The following ZNF732 variants were observed in gnomAD, a reference collection of about 807,000 sequenced individuals.
The protein encoded by ZNF732 is zinc finger protein 732.
A neutral mutation model predicts 11.5 loss-of-function variants in ZNF732; 12 were observed. The observed-to-expected ratio is 1.05, with a 90% CI of 0.67 to 1.70. The LOEUF (loss-of-function observed/expected upper bound fraction) is 1.70, where lower values mean the gene tolerates loss of function less well. Among genes scored for constraint, ZNF732 ranks in the 40% most tolerant of loss-of-function variants. ZNF732 has a pLI of 0.00. For missense variants in ZNF732, 702 were observed against 676.9 expected (o/e 1.04, Z -0.41); for synonymous variants, 231 against 236.5 (o/e 0.98, Z 0.21).
chr4:296,976 AAAC>A (rs1488444524), intron 1 of ZNF732, among the ~76,000 whole-genome samples: 1 of 152,208 alleles, frequency 6.6e-6, no homozygotes. Context: ...TGCATTTGAA[AAAC>A]AACATGTGGT....
At chr4:297,402 TC>T (rs2108660150) in intron 1 of ZNF732, among the ~76,000 whole-genome samples, 1 of 152,260 alleles carries the variant, frequency 6.6e-6, no homozygotes, top group Non-Finnish European at 1.5e-5. Flanking sequence ...TCTTAGGACA[TC>T]CTGGGAGGTG....
At position 272,048 on chromosome 4, in the gene ZNF732, C is replaced by A. The variant is rs782545440; in HGVS notation, c.809G>T (p.Arg270Ile). 17 of 1,610,266 alleles carry A rather than the reference C, an allele frequency of 1.1e-5. No homozygotes were observed. In the Middle Eastern group the frequency reaches 1.2e-3, roughly 110 times the overall value. Reference protein sequence around the residue: ...NRSSTLTKHKRIHAEEKPFTC... With the variant: ...NRSSTLTKHKIIHAEEKPFTC... ...GAAGGGTTTCTCTTCAGCATGAATT[C>A]TCTTATGCTTAGTAAGGGTTGAGGA... The change falls in exon 4 of 4, where the codon AGA (arginine) becomes ATA (isoleucine). Residue 270 changes from arginine to isoleucine, a missense_variant. Around this residue, in one of 3 missense-constraint regions of ZNF732, gnomAD observed 596 missense variants for 557.9 expected, o/e 1.07. Coordinates refer to ENST00000419098, the MANE Select transcript of ZNF732 (RefSeq NM_001137608.3).
Position 271,102 on chromosome 4 carries a change from G to C in ZNF732, c.1755C>G (p.Leu585=), listed in dbSNP as rs573899259. 4 of 1,502,540 alleles carry C rather than the reference G, an allele frequency of 2.7e-6. No individual in the cohort carries two copies. Among genetic ancestry groups the C allele is most frequent in the South Asian group, 1.3e-5 (1 of 74,722 alleles). The allele number at this position is 1,502,540 out of a possible 1,614,324, so 93.1% of individuals were successfully genotyped here. Residue 585 remains leucine, a synonymous_variant, in exon 4 of 4, where the codon CTC becomes CTG. Coordinates refer to ENST00000419098, the MANE Select transcript of ZNF732 (RefSeq NM_001137608.3). ...QHNKIYTGEK[L] is the part of the protein sequence containing the mutation. ...CTTTGCCACATTCTTCATATTTCTAGAGTTTCTCTCCAGTATAAATTTTAT... is the reference window on the plus strand; with the variant it reads ...CTTTGCCACATTCTTCATATTTCTACAGTTTCTCTCCAGTATAAATTTTAT...
At position 271,817 on chromosome 4, in the gene ZNF732, G is replaced by A. The variant is rs1719377845; in HGVS notation, c.1040C>T (p.Ser347Leu). The A allele has an allele frequency of 6.2e-7, 1 of 1,613,232 alleles. No homozygotes were observed. Among genetic ancestry groups the A allele is most frequent in the African/African-American group, 1.3e-5 (1 of 74,886 alleles). ...AATTCTCTTATGTTCATTCAGAACT[G>A]AGGACCTACTAAAGGCTTTGCCACA... is the stretch of plus-strand genomic sequence containing the variant. The part of the protein sequence containing the change: ...EECGKAFSRS[S>L]VLNEHKRIHT... Residue 347 changes from serine (S) to leucine (L), a missense_variant, in exon 4 of 4, where the codon TCA becomes TTA. Ser to Leu is a moderately radical substitution (Grantham distance 145). Transcript: ENST00000419098.
chr4:305,164 G>C (rs923589019), intron 1 of ZNF732, 144 bp downstream of exon 1: 3 of 1,137,078 alleles, frequency 2.6e-6, no homozygotes, highest in African/African-American at 3.2e-5. Flanking sequence ...CATGAACCCG[G>C]GTCCCTCACC....
chr4:297,498 T>C (rs141804430), intron 1 of ZNF732, among the ~76,000 whole-genome samples: 2 of 151,944 alleles, frequency 1.3e-5, no homozygotes, highest in East Asian at 1.9e-4. Flanking sequence ...AATTGATTTG[T>C]TTTTTAAAGG....
chr4:282,895 T>C (rs1719645322), intron 3 of ZNF732, among the ~76,000 whole-genome samples: 1 of 151,856 alleles, frequency 6.6e-6, no homozygotes, highest in South Asian at 2.1e-4. Context: ...AAAACAGAAA[T>C]TACTAAATGG....
chr4:303,885 G>C (rs1011703995), intron 1 of ZNF732, among the ~76,000 whole-genome samples: 1 of 152,202 alleles, frequency 6.6e-6, no homozygotes, highest in Non-Finnish European at 1.5e-5. Flanking sequence ...GCTATCAAGA[G>C]TCATGGTGGG....
In ZNF732 at chr4:271,282, A is replaced by G. The variant is rs1719349579; in HGVS notation, c.1575T>C (p.Thr525=). Residue 525 remains threonine, a synonymous_variant, in exon 4 of 4, where the codon ACT becomes ACC. Transcript: ENST00000419098. ...CTTCACATCTATAAGGTTTCTCTCC[A>G]GTATGAATTTTCTTATGTTTACTCA... ...TYLSKHKKIH[T]GEKPYRCEEC... The G allele has an allele frequency of 6.3e-7, 1 of 1,587,916 alleles. No homozygotes were observed. Among genetic ancestry groups the G allele is most frequent in the Non-Finnish European group, 8.6e-7 (1 of 1,166,106 alleles).
chr4:301,726 G>A (rs964513212), intron 1 of ZNF732, among the ~76,000 whole-genome samples: 1 of 152,206 alleles, frequency 6.6e-6, no homozygotes, highest in African/African-American at 2.4e-5. Context: ...TGTGGGGTGG[G>A]AGGAGTGGGG....
chr4:301,004 G>A (rs1024836797), intron 1 of ZNF732, among the ~76,000 whole-genome samples: 12 of 152,022 alleles, frequency 7.9e-5, no homozygotes, highest in Non-Finnish European at 1.3e-4. Context: ...AATCTACAAA[G>A]AATTCAAACA....
At chr4:300,981 A>G (rs1013652136) in intron 1 of ZNF732, among the ~76,000 whole-genome samples, 1 of 152,160 alleles carries the variant, frequency 6.6e-6, no homozygotes, top group East Asian at 1.9e-4. Context: ...TCTGACAAAG[A>G]GCTAATATCC....
In ZNF732 at chr4:296,039, C is replaced by G; in HGVS notation, c.120G>C (p.Leu40=). The change falls in exon 2 of 4, where the codon CTG becomes CTC. Residue 40 remains leucine, a synonymous_variant. Transcript: ENST00000419098. ...RDVMLENYRN[L]ISLGVAISNP... ...TGAAGTTATCCTCACCCAGGGAGAT[C>G]AGGTTCCTGTAGTTCTCCAACATCA... The G allele has an allele frequency of 6.2e-7, 1 of 1,612,778 alleles. No homozygotes were observed. Among genetic ancestry groups the G allele is most frequent in the Non-Finnish European group, 8.5e-7 (1 of 1,179,672 alleles).
chr4:291,368 A>G (rs1487247947), intron 3 of ZNF732, among the ~76,000 whole-genome samples: 1 of 152,248 alleles, frequency 6.6e-6, no homozygotes, highest in African/African-American at 2.4e-5. Flanking sequence ...AAAAGGAACC[A>G]ATATACCTAG....
intron 1 of ZNF732, among the ~76,000 whole-genome samples, chr4:299,609 TTATA>T (rs1299182266): frequency 7.0e-6 from 1 of 142,766 alleles, no homozygotes; most frequent in Non-Finnish European, 1.5e-5. Flanking sequence ...TATAAATTAT[TTATA>T]TATAAATAAT....
At chr4:274,262 GATGTA>G (rs1259611901) in intron 3 of ZNF732, among the ~76,000 whole-genome samples, 3 of 151,640 alleles carry the variant, frequency 2.0e-5, no homozygotes, top group African/African-American at 7.2e-5. Flanking sequence ...GTTGAGGGCA[GATGTA>G]ATGAGGAGGA....
intron 3 of ZNF732, among the ~76,000 whole-genome samples, chr4:295,200 G>A (rs531476441): frequency 2.0e-5 from 3 of 152,310 alleles, no homozygotes; most frequent in African/African-American, 7.2e-5. Flanking sequence ...AAACGATAAA[G>A]TGGACATTGG....
intron 3 of ZNF732, among the ~76,000 whole-genome samples, chr4:275,080 C>G (rs1719465011): frequency 6.6e-6 from 1 of 151,554 alleles, no homozygotes; most frequent in African/African-American, 2.4e-5. Flanking sequence ...GAGAACACTG[C>G]TCAGCAACAA....
chr4:292,100 T>C (rs1719851413), intron 3 of ZNF732, among the ~76,000 whole-genome samples: 1 of 152,066 alleles, frequency 6.6e-6, no homozygotes, highest in African/African-American at 2.4e-5. Context: ...TAAAAAACCT[T>C]AGAACTCCCG....
Sources: gnomAD v4.1 joint callset for allele counts (sites outside exome capture counted in the v4.1 genomes callset) on GRCh38, gnomAD v4.1.1 for gene constraint, gnomAD v4.1.1 regional missense constraint, MANE v1.5 for transcripts, NCBI Gene and HGNC (gene_info 2026-07-23, HGNC 2026-07-21) for gene names.